Variants in MEGF6 observed in about 807,000 individuals in gnomAD.
MEGF6 encodes the protein multiple EGF like domains 6, also known as multiple epidermal growth factor-like domains protein 6.
A neutral mutation model predicts 207.1 loss-of-function variants in MEGF6; 184 were observed. That is an observed-to-expected ratio of 0.89 (90% CI 0.79 to 1.00). MEGF6 has a LOEUF of 1.00. Among genes scored for constraint, MEGF6 ranks in the 50% least tolerant of loss-of-function variants. The pLI is 0.00. For synonymous variants in MEGF6, 1,038 were observed against 910.0 expected, an observed-to-expected ratio of 1.14 and a Z score of -2.53; for missense variants, 2,282 against 2,202.9, an observed-to-expected ratio of 1.04 and a Z score of -0.72.
intron 4 of MEGF6, among the ~76,000 whole-genome samples, chr1:3,540,949 A>G (rs1307129786): frequency 1.3e-5 from 2 of 152,332 alleles, no homozygotes; most frequent in African/African-American, 4.8e-5. Context: ...TGGCATGGGG[A>G]CTGGGAATGA....
chr1:3,514,728 G>A (rs1451454149), intron 6 of MEGF6, 56 bp from the exon 7 acceptor site: 4 of 1,496,002 alleles, frequency 2.7e-6, no homozygotes, highest in Non-Finnish European at 3.6e-6. Flanking sequence ...GTGGCTGCAG[G>A]GCGCCTGCCC....
At position 3,514,644 on chromosome 1, in the gene MEGF6, G is replaced by T; in HGVS notation, c.759C>A (p.Gly253=). The T allele has an allele frequency of 6.3e-7, 1 of 1,582,536 alleles. No individual in the cohort carries two copies. Among genetic ancestry groups the T allele is most frequent in the Non-Finnish European group, 8.6e-7 (1 of 1,166,652 alleles). The part of the protein sequence containing the change: ...VRRSPCANRN[G]SCMHRCQVVR... ...CCACCTGGCACCTGTGCATGCAGCT[G>T]CCGTTCCTGTTGGCACACGGGCTTC... is the stretch of plus-strand genomic sequence containing the variant. Residue 253 remains glycine, a synonymous_variant, in exon 7 of 37, where the codon GGC becomes GGA. Transcript: ENST00000356575.
intron 1 of MEGF6, among the ~76,000 whole-genome samples, chr1:3,604,134 G>C (rs1418618993): frequency 1.3e-5 from 2 of 152,244 alleles, no homozygotes; most frequent in Non-Finnish European, 2.9e-5. Flanking sequence ...TGGGACCAGA[G>C]TCCAGCTCCA....
chr1:3,544,673 T>G (rs2101541304), intron 4 of MEGF6, among the ~76,000 whole-genome samples: 1 of 152,296 alleles, frequency 6.6e-6, no homozygotes, highest in South Asian at 2.1e-4. Flanking sequence ...CTCACTCTGC[T>G]CTGCCTGGTG....
At chr1:3,534,466 G>A (rs969355868) in intron 4 of MEGF6, among the ~76,000 whole-genome samples, 1 of 152,164 alleles carries the variant, frequency 6.6e-6, no homozygotes, top group Non-Finnish European at 1.5e-5. Flanking sequence ...AAGAACTGAG[G>A]CCCCAGGCGA....
rs776014917 is a variant in MEGF6 at position 3,499,138 on chromosome 1, C to A, written c.3094G>T (p.Ala1032Ser). 19 of 1,604,202 alleles carry A rather than the reference C, an allele frequency of 1.2e-5. No individual in the cohort carries two copies. The Admixed American group carries it at 2.4e-4, about 20-fold the overall frequency. ...CCCTGGACTCCTAGATGTGGCTTAC[C>A]CTGCAGGCAGGAGGGCCCCATCCAG... Reference protein sequence around the residue: ...PGWMGPSCLQACPAGLYGDNC... With the variant: ...PGWMGPSCLQSCPAGLYGDNC... Residue 1032 changes from alanine (A) to serine (S), a missense_variant and splice_region_variant, in exon 24 of 37, where the codon GCC (alanine) becomes TCC (serine). Transcript: ENST00000356575.
intron 4 of MEGF6, among the ~76,000 whole-genome samples, chr1:3,576,562 G>A (rs1273568170): frequency 6.6e-6 from 1 of 152,118 alleles, no homozygotes; most frequent in Non-Finnish European, 1.5e-5. Flanking sequence ...GAGTGGAGGA[G>A]GGACAGGAAG....
intron 21 of MEGF6, 34 bp from the exon 22 acceptor site, chr1:3,499,958 G>C (rs922617829): frequency 6.5e-7 from 1 of 1,528,214 alleles, no homozygotes; most frequent in African/African-American, 1.4e-5. Flanking sequence ...CAGTCAGCCA[G>C]AGGGCCAGGA....
chr1:3,578,079 G>T (rs1056101976), intron 4 of MEGF6, among the ~76,000 whole-genome samples: 6 of 152,178 alleles, frequency 3.9e-5, no homozygotes, highest in African/African-American at 1.2e-4. Flanking sequence ...AGCCCTGAGG[G>T]GGCAGGTCAG....
chr1:3,526,063 G>A (rs555179952), intron 4 of MEGF6, among the ~76,000 whole-genome samples: 5 of 152,352 alleles, frequency 3.3e-5, no homozygotes, highest in African/African-American at 1.2e-4. Context: ...GGAGAAGCCA[G>A]TGGTGGGGAC....
intron 4 of MEGF6, among the ~76,000 whole-genome samples, chr1:3,528,425 G>T (rs888468200): frequency 6.6e-6 from 1 of 152,214 alleles, no homozygotes; most frequent in African/African-American, 2.4e-5. Context: ...AGCCGTAGGC[G>T]CAGTGGCCTT....
chr1:3,566,803 C>T lies in MEGF6; in HGVS notation c.481+13022G>A, dbSNP rs191252223. Among the ~76,000 whole-genome samples, 749 of 152,306 alleles carry T rather than the reference C, an allele frequency of 4.9e-3. 3 individuals are homozygous for T. Among genetic ancestry groups the T allele is most frequent in the African/African-American group, 0.017 (707 of 41,558 alleles). ...CAGACACCTGGGCTGGCTGGGTCCT[C>T]GGTGCTACAAAGCGATGGCCCCCAG... On this transcript the variant is annotated intron_variant, in intron 4 of 36. Transcript: ENST00000356575.
chr1:3,546,114 G>A (rs911787432), intron 4 of MEGF6, among the ~76,000 whole-genome samples: 2 of 152,240 alleles, frequency 1.3e-5, no homozygotes, highest in African/African-American at 4.8e-5. Flanking sequence ...CAGATGCCAG[G>A]GCAGAGGCTG....
Position 3,602,539 on chromosome 1 carries a change from C to G in MEGF6, c.193G>C (p.Ala65Pro), listed in dbSNP as rs1170024182. 6.2e-7 allele frequency: 1 copy of G among 1,613,100 alleles called. No homozygotes were observed. Among genetic ancestry groups the G allele is most frequent in the East Asian group, 2.2e-5 (1 of 44,868 alleles). The change falls in exon 2 of 37, where the codon GCC (alanine) becomes CCC (proline). Residue 65 changes from alanine (A) to proline (P), a missense_variant. By Grantham distance (27) the Ala-to-Pro change is conservative (BLOSUM62 -1). Coordinates refer to ENST00000356575, the MANE Select transcript of MEGF6 (RefSeq NM_001409.4). ...LVGRRQPCVQALSHTVPVWKA... is the reference protein window; with the variant it reads ...LVGRRQPCVQPLSHTVPVWKA... ...CACACCGGCACCGTGTGGCTTAAGG[C>G]CTGCACGCACGGCTGGCGGCGGCCC...
At chr1:3,529,724 C>T (rs1642085160) in intron 4 of MEGF6, among the ~76,000 whole-genome samples, 1 of 152,224 alleles carries the variant, frequency 6.6e-6, no homozygotes, top group Non-Finnish European at 1.5e-5. Flanking sequence ...CCAGCGACCA[C>T]CACCCACGTC....
chr1:3,564,998 T>G (rs1341859633), intron 4 of MEGF6, among the ~76,000 whole-genome samples: 1 of 152,080 alleles, frequency 6.6e-6, no homozygotes, highest in African/African-American at 2.4e-5. Context: ...GCACCACCGC[T>G]GAATTACACC....
At chr1:3,495,785 T>G in intron 30 of MEGF6, 105 bp downstream of exon 30, 9 of 1,394,742 alleles carry the variant, frequency 6.5e-6, no homozygotes, top group Non-Finnish European at 8.6e-6. Context: ...GCAGCCAGGA[T>G]GTGCGGGTGT....
chr1:3,609,726 G>A (rs1644300146), intron 1 of MEGF6, among the ~76,000 whole-genome samples: 1 of 152,194 alleles, frequency 6.6e-6, no homozygotes, highest in South Asian at 2.1e-4. Context: ...GAGCCCAGGT[G>A]CAGAGGCAGG....
At chr1:3,537,198 G>T (rs1642359783) in intron 4 of MEGF6, among the ~76,000 whole-genome samples, 1 of 152,246 alleles carries the variant, frequency 6.6e-6, no homozygotes, top group Non-Finnish European at 1.5e-5. Flanking sequence ...GCCCCAGGCA[G>T]CCCAGTGCCC....
Sources: allele counts gnomAD v4.1 joint callset (sites outside exome capture counted in the v4.1 genomes callset), GRCh38; gene constraint gnomAD v4.1.1; transcripts MANE v1.5; gene names NCBI Gene and HGNC (gene_info 2026-07-23, HGNC 2026-07-21).